The following KCNK9 variants were observed in gnomAD, a reference collection of about 807,000 sequenced individuals.
The protein encoded by KCNK9 is potassium channel subfamily K member 9.
KCNK9 carries 1 observed loss-of-function variant against 10.8 expected under a neutral mutation model. The ratio of observed to expected loss-of-function variants is 0.09; its 90% CI spans 0.03 to 0.44. The LOEUF is 0.44. Among genes scored for constraint, KCNK9 ranks in the 20% least tolerant of loss-of-function variants. The pLI is 0.97. For synonymous variants in KCNK9, 231 were observed against 222.7 expected (o/e 1.04, Z -0.33); for missense variants, 303 against 515.0 (o/e 0.59, Z 3.98).
At chr8:139,692,894 T>C (rs1305010153) in intron 1 of KCNK9, among the ~76,000 whole-genome samples, 1 of 151,926 alleles carries the variant, frequency 6.6e-6, no homozygotes, top group African/African-American at 2.4e-5. Flanking sequence ...GCCTAGAGCT[T>C]CTGCTTCAAA....
At chr8:139,607,724 G>A (rs1352665732), downstream of KCNK9, among the ~76,000 whole-genome samples, 3 of 152,206 alleles carry the variant, frequency 2.0e-5, no homozygotes, top group Admixed American at 2.0e-4. Flanking sequence ...TGGAAGACAG[G>A]ATCTGGCCCC....
chr8:139,669,762 T>A (rs897948407), intron 1 of KCNK9, among the ~76,000 whole-genome samples: 1 of 152,260 alleles, frequency 6.6e-6, no homozygotes, highest in South Asian at 2.1e-4. Flanking sequence ...TATGGAATGG[T>A]ATATTCCTTC....
At chr8:139,671,903 G>A (rs3780036) in intron 1 of KCNK9, among the ~76,000 whole-genome samples, 32 of 152,266 alleles carry the variant, frequency 2.1e-4, no homozygotes, top group African/African-American at 5.3e-4. Context: ...TCCCCTGAGC[G>A]TGGCAGGAGC....
downstream of KCNK9, chr8:139,615,821 A>C (rs1005396037): frequency 2.6e-5 from 4 of 152,156 alleles, no homozygotes; most frequent in African/African-American, 9.6e-5. Flanking sequence ...TACCTGAGGC[A>C]TTCAAGCAGA....
intron 1 of KCNK9, among the ~76,000 whole-genome samples, chr8:139,685,356 A>G (rs575300409): frequency 7.0e-4 from 106 of 152,292 alleles, no homozygotes; most frequent in Non-Finnish European, 1.2e-3. Context: ...ATAGGTATAC[A>G]TGTGCCATGT....
intron 1 of KCNK9, among the ~76,000 whole-genome samples, chr8:139,700,488 A>C (rs1817179842): frequency 9.1e-6 from 1 of 109,778 alleles, no homozygotes; most frequent in African/African-American, 6.4e-5. Flanking sequence ...ATACACATAC[A>C]CACACACACA....
At chr8:139,649,565 C>G (rs756962622) in intron 1 of KCNK9, among the ~76,000 whole-genome samples, 6 of 152,276 alleles carry the variant, frequency 3.9e-5, no homozygotes, top group Non-Finnish European at 8.8e-5. Context: ...TGCGGTCTTT[C>G]CATGCCCGGT....
At chr8:139,698,964 A>G (rs1041546149) in intron 1 of KCNK9, among the ~76,000 whole-genome samples, 1 of 152,068 alleles carries the variant, frequency 6.6e-6, no homozygotes, top group African/African-American at 2.4e-5. Flanking sequence ...CTCAATCCCC[A>G]CAGCAACCAC....
intron 1 of KCNK9, among the ~76,000 whole-genome samples, chr8:139,695,002 C>A (rs966468202): frequency 2.6e-5 from 4 of 152,202 alleles, no homozygotes; most frequent in Non-Finnish European, 4.4e-5. Context: ...ACAAGCCAGG[C>A]CAACACACTC....
At chr8:139,639,661 G>A (rs947280650) in intron 1 of KCNK9, among the ~76,000 whole-genome samples, 2 of 152,222 alleles carry the variant, frequency 1.3e-5, no homozygotes, top group African/African-American at 2.4e-5. Context: ...GGCTCAAAAA[G>A]CACATTCGTG....
At chr8:139,682,797 C>A (rs1816718257) in intron 1 of KCNK9, among the ~76,000 whole-genome samples, 1 of 152,136 alleles carries the variant, frequency 6.6e-6, no homozygotes, top group Admixed American at 6.5e-5. Flanking sequence ...GGTGACGTTG[C>A]CGTAGTGCAG....
chr8:139,645,807 CCCT>C (rs1815658363), intron 1 of KCNK9, among the ~76,000 whole-genome samples: 1 of 152,216 alleles, frequency 6.6e-6, no homozygotes, highest in Admixed American at 6.5e-5. Context: ...ATCGCCTGGC[CCCT>C]CCTCCTGCCT....
chr8:139,621,793 A>G (rs1395865021), intron 1 of KCNK9, among the ~76,000 whole-genome samples: 1 of 152,200 alleles, frequency 6.6e-6, no homozygotes, highest in Admixed American at 6.5e-5. Flanking sequence ...GAATCCTACT[A>G]TATCTCCATA....
chr8:139,613,654 T>C (rs1028507978), downstream of KCNK9, among the ~76,000 whole-genome samples: 1 of 152,240 alleles, frequency 6.6e-6, no homozygotes, highest in African/African-American at 2.4e-5. Context: ...TCACCCAAGC[T>C]GTCTCGTTGT....
At chr8:139,608,791 G>T (rs974236315), downstream of KCNK9, among the ~76,000 whole-genome samples, 7 of 152,230 alleles carry the variant, frequency 4.6e-5, no homozygotes, top group African/African-American at 1.7e-4. Flanking sequence ...GTAGAGAAAA[G>T]ATGGACAAAG....
At chr8:139,673,383 CA>C (rs2129740677) in intron 1 of KCNK9, among the ~76,000 whole-genome samples, 1 of 152,272 alleles carries the variant, frequency 6.6e-6, no homozygotes, top group South Asian at 2.1e-4. Flanking sequence ...AAAGCCGCTA[CA>C]AAAATGAAAA....
chr8:139,661,099 C>G (rs916759418), intron 1 of KCNK9, among the ~76,000 whole-genome samples: 1 of 152,250 alleles, frequency 6.6e-6, no homozygotes, highest in African/African-American at 2.4e-5. Flanking sequence ...GGCATCAGCT[C>G]TCCAGCCACT....
At chr8:139,686,710 T>A (rs1325033180) in intron 1 of KCNK9, among the ~76,000 whole-genome samples, 2 of 152,210 alleles carry the variant, frequency 1.3e-5, no homozygotes, top group African/African-American at 4.8e-5. Context: ...ACACAAGCAG[T>A]CTGGCTCCAA....
chr8:139,662,796 C>A (rs889370984), intron 1 of KCNK9, among the ~76,000 whole-genome samples: 6 of 150,642 alleles, frequency 4.0e-5, no homozygotes, highest in African/African-American at 1.5e-4. Context: ...CACAGTCTGG[C>A]CCTCCTAGTG....
Sources: gnomAD v4.1 joint callset for allele counts (sites outside exome capture counted in the v4.1 genomes callset) on GRCh38, gnomAD v4.1.1 for gene constraint, MANE v1.5 for transcripts, NCBI Gene and HGNC (gene_info 2026-07-23, HGNC 2026-07-21) for gene names.